Variants in AGBL1 observed in about 807,000 individuals in gnomAD.
AGBL1 encodes AGBL carboxypeptidase 1.
Under a neutral mutation model 118.9 loss-of-function variants are expected in AGBL1, and 130 were observed. The observed-to-expected ratio is 1.09, with a 90% CI of 0.95 to 1.26. The LOEUF (loss-of-function observed/expected upper bound fraction) is 1.26, where lower values mean the gene tolerates loss of function less well. AGBL1 is among the 50% of genes most tolerant of loss of function. AGBL1 has a pLI of 0.00. For synonymous variants in AGBL1, 555 were observed against 478.9 expected (o/e 1.16, Z -2.08); for missense variants, 1,584 against 1,298.1 (o/e 1.22, Z -3.38).
rs1448699571 is a variant in AGBL1 at position 86,336,256 on chromosome 15, G to A, written c.2374+40848G>A. On this transcript the variant is annotated intron_variant, in intron 17 of 22. Transcript: ENST00000614907. ...CAGATTCTTGCTACATCTGCTCCAG[G>A]CTGTGACTTACATTTTACTCATGGG... Among the ~76,000 whole-genome samples the A allele has an allele frequency of 3.3e-5, 5 of 152,164 alleles. 1 individual carries two copies. The highest frequency in any genetic ancestry group is 2.6e-4 in the Admixed American group (4 of 15,284).
At chr15:86,622,747 G>A (rs541444611) in intron 21 of AGBL1, among the ~76,000 whole-genome samples, 1 of 152,146 alleles carries the variant, frequency 6.6e-6, no homozygotes, top group Non-Finnish European at 1.5e-5. Flanking sequence ...ACTACGGGTG[G>A]GGCATACTTT....
intron 22 of AGBL1, among the ~76,000 whole-genome samples, chr15:86,865,718 G>A (rs1274995626): frequency 6.6e-6 from 1 of 152,132 alleles, no homozygotes; most frequent in Non-Finnish European, 1.5e-5. Context: ...TCAGCAGAGT[G>A]CTATACACTG....
rs869042604 is a variant in AGBL1, at chr15:86,825,387, T to TAAAAAAAAAAAAAAAAAAAAAAAAA, written c.3159-81688_3159-81664dup. Among the ~76,000 whole-genome samples, 7 of 11,148 alleles carry TAAAAAAAAAAAAAAAAAAAAAAAAA rather than the reference T, an allele frequency of 6.3e-4. 1 individual carries two copies. Among genetic ancestry groups the TAAAAAAAAAAAAAAAAAAAAAAAAA allele is most frequent in the Non-Finnish European group, 9.3e-4 (7 of 7,488 alleles). 7.3% of individuals were successfully genotyped at this position (11,148 alleles called of 152,430 possible). On this transcript the variant is annotated intron_variant, in intron 22 of 22. Transcript: ENST00000614907. The stretch of plus-strand genomic sequence containing the variant: ...AGTTGAAAAGACAAGGTAGAAACTG[T>TAAAAAAAAAAAAAAAAAAAAAAAAA]AAAAAAAAAAAAAAAAAAAAAAAAA...
chr15:86,195,003 T>C (rs145760040), intron 5 of AGBL1, among the ~76,000 whole-genome samples: 4 of 152,338 alleles, frequency 2.6e-5, no homozygotes, highest in Admixed American at 6.5e-5. Flanking sequence ...TTTATTATAG[T>C]CACTAAGCAT....
intron 5 of AGBL1, among the ~76,000 whole-genome samples, chr15:86,197,577 C>G (rs1297682744): frequency 6.6e-6 from 1 of 152,046 alleles, no homozygotes; most frequent in Admixed American, 6.6e-5. Flanking sequence ...CTATGTTCTT[C>G]CTGAATGCTT....
intron 5 of AGBL1, among the ~76,000 whole-genome samples, chr15:86,160,814 A>ATGT (rs1334620944): frequency 1.3e-5 from 2 of 152,116 alleles, no homozygotes. Context: ...CTTGGGTACC[A>ATGT]TGTTGTTTGG....
chr15:86,550,558 T>C (rs558759779), intron 20 of AGBL1, among the ~76,000 whole-genome samples: 1 of 152,134 alleles, frequency 6.6e-6, no homozygotes, highest in African/African-American at 2.4e-5. Context: ...TGAAACAAAT[T>C]GTTAATCAGC....
At chr15:86,098,088 A>G (rs1896491800) in intron 1 of AGBL1, among the ~76,000 whole-genome samples, 1 of 152,098 alleles carries the variant, frequency 6.6e-6, no homozygotes, top group Non-Finnish European at 1.5e-5. Flanking sequence ...GTAATTTTTC[A>G]TATACTTGTT....
intron 24 of AGBL1, among the ~76,000 whole-genome samples, chr15:87,021,982 A>G (rs2081669249): frequency 1.3e-5 from 2 of 152,122 alleles, no homozygotes; most frequent in East Asian, 1.9e-4. Flanking sequence ...ACTCTGCAGA[A>G]AATCCCCAGT....
At chr15:86,103,143 T>C (rs1316015508) in intron 1 of AGBL1, among the ~76,000 whole-genome samples, 2 of 152,194 alleles carry the variant, frequency 1.3e-5, no homozygotes, top group Non-Finnish European at 2.9e-5. Flanking sequence ...GGATTTCTGT[T>C]TGGTTCTCTT....
At chr15:86,849,514 TTTC>T (rs1373746331) in intron 22 of AGBL1, among the ~76,000 whole-genome samples, 9 of 104,424 alleles carry the variant, frequency 8.6e-5, no homozygotes, top group South Asian at 7.7e-4. Context: ...TCTTTCTTTC[TTTC>T]TTTTTTTTTT....
rs184599032 is a variant in AGBL1, at chr15:86,422,854, A to G, written c.2555+25308A>G. Among the ~76,000 whole-genome samples, 481 of 152,330 alleles carry G rather than the reference A, an allele frequency of 3.2e-3. 1 individual carries two copies. Among genetic ancestry groups the G allele is most frequent in the African/African-American group, 0.011 (454 of 41,582 alleles). ...AAACTAGAAAATCTAGAAGAAATGGATACATTCCTGGACACATACACACTC... is the reference window on the plus strand; with the variant it reads ...AAACTAGAAAATCTAGAAGAAATGGGTACATTCCTGGACACATACACACTC... On this transcript the variant is annotated intron_variant, in intron 18 of 22. Coordinates refer to ENST00000614907, the MANE Select transcript of AGBL1 (RefSeq NM_001386094.1).
chr15:86,762,073 A>C (rs138985277), intron 22 of AGBL1, among the ~76,000 whole-genome samples: 1 of 152,096 alleles, frequency 6.6e-6, no homozygotes, highest in African/African-American at 2.4e-5. Flanking sequence ...TTGCAGGGAC[A>C]TGGATGAAGC....
At chr15:86,901,207 T>G (rs1027996602) in intron 22 of AGBL1, among the ~76,000 whole-genome samples, 1 of 152,166 alleles carries the variant, frequency 6.6e-6, no homozygotes, top group Non-Finnish European at 1.5e-5. Flanking sequence ...GGTTTTAGAT[T>G]TCTGTTTCAT....
intron 18 of AGBL1, among the ~76,000 whole-genome samples, chr15:86,413,079 T>A (rs1170999901): frequency 6.6e-6 from 1 of 152,186 alleles, no homozygotes; most frequent in Non-Finnish European, 1.5e-5. Flanking sequence ...CACTAACAAC[T>A]ACATTATACA....
intron 18 of AGBL1, among the ~76,000 whole-genome samples, chr15:86,442,482 C>T (rs773010860): frequency 2.6e-5 from 4 of 152,142 alleles, no homozygotes; most frequent in African/African-American, 4.8e-5. Flanking sequence ...ATGTCAACCC[C>T]GGAGCCTGAG....
chr15:86,483,843 G>T (rs906426389), intron 18 of AGBL1, among the ~76,000 whole-genome samples: 2 of 152,138 alleles, frequency 1.3e-5, no homozygotes, highest in African/African-American at 4.8e-5. Flanking sequence ...CAATGCAGAT[G>T]CAGCTTAAAT....
intron 22 of AGBL1, among the ~76,000 whole-genome samples, chr15:86,808,769 C>A (rs2078751329): frequency 6.7e-6 from 1 of 149,390 alleles, no homozygotes; most frequent in South Asian, 2.1e-4. Flanking sequence ...TCCATTATTT[C>A]TTTAGTTCCT....
chr15:86,975,453 C>G (rs1474587691), intron 23 of AGBL1, among the ~76,000 whole-genome samples: 2 of 152,040 alleles, frequency 1.3e-5, no homozygotes, highest in Non-Finnish European at 2.9e-5. Context: ...GGGCCCCTCC[C>G]ACGACACCTG....
Sources: allele counts gnomAD v4.1 joint callset (sites outside exome capture counted in the v4.1 genomes callset), GRCh38; gene constraint gnomAD v4.1.1; transcripts MANE v1.5; gene names NCBI Gene and HGNC (gene_info 2026-07-23, HGNC 2026-07-21).